Variants in PALLD observed in about 807,000 individuals in gnomAD.
PALLD encodes the protein palladin.
A neutral mutation model predicts 123.5 loss-of-function variants in PALLD; 61 were observed. That is an observed-to-expected ratio of 0.49 (90% CI 0.40 to 0.61). The LOEUF (loss-of-function observed/expected upper bound fraction) is 0.61. PALLD is among the 20% of genes least tolerant of loss of function. The pLI is 0.00. For missense variants in PALLD, 1,273 were observed against 1,377.0 expected (o/e 0.92, Z 1.20); for synonymous variants, 465 against 496.4 (o/e 0.94, Z 0.84).
intron 10 of PALLD, among the ~76,000 whole-genome samples, chr4:168,811,594 G>A (rs1741120414): frequency 6.6e-6 from 1 of 151,992 alleles, no homozygotes; most frequent in South Asian, 2.1e-4. Flanking sequence ...AAATTAGCCG[G>A]GCATAGTGGC....
intron 2 of PALLD, among the ~76,000 whole-genome samples, chr4:168,521,019 A>G (rs1763510295): frequency 6.6e-6 from 1 of 152,236 alleles, no homozygotes; most frequent in Non-Finnish European, 1.5e-5. Context: ...AACAATAAAC[A>G]CCAAAATAAA....
intron 10 of PALLD, among the ~76,000 whole-genome samples, chr4:168,867,426 A>C (rs1750455996): frequency 6.6e-6 from 1 of 152,226 alleles, no homozygotes; most frequent in Non-Finnish European, 1.5e-5. Flanking sequence ...TTACTGTCTA[A>C]GGCCTCCTTT....
intron 2 of PALLD, among the ~76,000 whole-genome samples, chr4:168,606,954 A>C (rs200747456): frequency 1.3e-5 from 2 of 152,218 alleles, no homozygotes; most frequent in East Asian, 3.9e-4. Context: ...AAAATTTAAG[A>C]TGTAAACAAG....
At chr4:168,926,000 A>T (rs1329421468) in intron 21 of PALLD, among the ~76,000 whole-genome samples, 1 of 152,174 alleles carries the variant, frequency 6.6e-6, no homozygotes, top group Non-Finnish European at 1.5e-5. Flanking sequence ...TGACCTTTGT[A>T]ATCTAGCTGC....
intron 10 of PALLD, among the ~76,000 whole-genome samples, chr4:168,823,310 A>G (rs975506908): frequency 6.6e-6 from 1 of 152,166 alleles, no homozygotes; most frequent in South Asian, 2.1e-4. Flanking sequence ...TGTCACTGTA[A>G]CAGAGAACAC....
intron 2 of PALLD, among the ~76,000 whole-genome samples, chr4:168,542,711 C>A (rs1176625973): frequency 1.1e-5 from 1 of 91,546 alleles, no homozygotes; most frequent in African/African-American, 4.8e-5. Flanking sequence ...TCCCAGCTAA[C>A]CTTTCCATAT....
chr4:168,821,197 C>T (rs1300889040), intron 10 of PALLD, among the ~76,000 whole-genome samples: 1 of 152,204 alleles, frequency 6.6e-6, no homozygotes, highest in East Asian at 1.9e-4. Flanking sequence ...AATCCATCCT[C>T]CTCCCCAAAG....
intron 2 of PALLD, among the ~76,000 whole-genome samples, chr4:168,573,369 G>A (rs1769193123): frequency 6.6e-6 from 1 of 151,880 alleles, no homozygotes; most frequent in African/African-American, 2.4e-5. Flanking sequence ...ACCTGCTTAT[G>A]TGTTGAACTA....
At chr4:168,634,500 C>T (rs1308517725) in intron 2 of PALLD, among the ~76,000 whole-genome samples, 1 of 152,238 alleles carries the variant, frequency 6.6e-6, no homozygotes, top group Non-Finnish European at 1.5e-5. Flanking sequence ...TGCAGCCTTG[C>T]AGTTTTTTTC....
intron 18 of PALLD, among the ~76,000 whole-genome samples, chr4:168,922,558 C>A (rs538166915): frequency 6.6e-6 from 1 of 152,262 alleles, no homozygotes; most frequent in African/African-American, 2.4e-5. Flanking sequence ...CACTACGTCA[C>A]TGAGCTCTTT....
chr4:168,850,865 TTAGCTCAGTAG>T (rs1747674524), intron 10 of PALLD, among the ~76,000 whole-genome samples: 1 of 152,170 alleles, frequency 6.6e-6, no homozygotes, highest in Non-Finnish European at 1.5e-5. Context: ...TCTCCTAGTT[TTAGCTCAGTAG>T]TAGCTGAGTA....
At chr4:168,811,399 G>A (rs1741093141) in intron 10 of PALLD, among the ~76,000 whole-genome samples, 1 of 152,166 alleles carries the variant, frequency 6.6e-6, no homozygotes. Flanking sequence ...TTTGTCATGA[G>A]TAGATAAGGA....
intron 10 of PALLD, among the ~76,000 whole-genome samples, chr4:168,759,479 A>C (rs888336062): frequency 6.6e-6 from 1 of 151,784 alleles, no homozygotes; most frequent in Non-Finnish European, 1.5e-5. Context: ...TCCTGTTTCA[A>C]ACCACAGTTT....
intron 10 of PALLD, among the ~76,000 whole-genome samples, chr4:168,735,432 C>T (rs114022784): frequency 1.1e-3 from 162 of 152,282 alleles, no homozygotes; most frequent in African/African-American, 3.6e-3. Context: ...AACGTCACTC[C>T]TACTCATGTT....
At chr4:168,637,798 G>A (rs1381273009) in intron 2 of PALLD, among the ~76,000 whole-genome samples, 1 of 152,104 alleles carries the variant, frequency 6.6e-6, no homozygotes, top group Non-Finnish European at 1.5e-5. Context: ...ACAAAAATTA[G>A]TTGGGCATGG....
intron 10 of PALLD, among the ~76,000 whole-genome samples, chr4:168,833,701 G>A (rs1176917839): frequency 6.6e-6 from 1 of 151,622 alleles, no homozygotes; most frequent in African/African-American, 2.4e-5. Flanking sequence ...TTTGGGTTTG[G>A]GTTGCTTCTA....
chr4:168,786,214 G>A (rs894850708), intron 10 of PALLD, among the ~76,000 whole-genome samples: 10 of 151,928 alleles, frequency 6.6e-5, no homozygotes, highest in Non-Finnish European at 1.0e-4. Context: ...TGTAGTCCCA[G>A]GTATTTGGGA....
chr4:168,795,466 C>A (rs1235954066), intron 10 of PALLD, among the ~76,000 whole-genome samples: 1 of 152,130 alleles, frequency 6.6e-6, no homozygotes, highest in Non-Finnish European at 1.5e-5. Flanking sequence ...ATATTGGTTG[C>A]TGTCAACAAA....
intron 10 of PALLD, among the ~76,000 whole-genome samples, chr4:168,762,823 C>T (rs2150452900): frequency 6.6e-6 from 1 of 152,334 alleles, no homozygotes; most frequent in Non-Finnish European, 1.5e-5. Context: ...GGCACATATA[C>T]ATGATGGAAT....
Sources: allele counts gnomAD v4.1 joint callset (sites outside exome capture counted in the v4.1 genomes callset), GRCh38; gene constraint gnomAD v4.1.1; transcripts MANE v1.5; gene names NCBI Gene and HGNC (gene_info 2026-07-23, HGNC 2026-07-21).